EFR3A: variants seen among roughly 807,000 people sequenced by gnomAD.
EFR3A encodes EFR3 homolog A.
In EFR3A, 76 loss-of-function variants were observed where a neutral mutation model predicts 104.4. The observed-to-expected ratio is 0.73, with a 90% CI of 0.60 to 0.88. The LOEUF (loss-of-function observed/expected upper bound fraction) is 0.88, where lower values mean the gene tolerates loss of function less well. Ranked by LOEUF, EFR3A falls within the 40% of genes least tolerant of loss-of-function variation. The probability of loss-of-function intolerance (pLI) is 0.00; values close to 1 mark genes in which losing one functional copy is unlikely to be tolerated. For synonymous variants in EFR3A, 330 were observed against 330.0 expected (o/e 1.00, Z 0.00); for missense variants, 985 against 1,012.5 (o/e 0.97, Z 0.37).
chr8:131,985,586 A>T (rs1289829630), intron 16 of EFR3A, among the ~76,000 whole-genome samples: 1 of 152,230 alleles, frequency 6.6e-6, no homozygotes, highest in African/African-American at 2.4e-5. Flanking sequence ...TTTTAAAGAC[A>T]TCTGTAAGAG....
At chr8:131,942,769 T>C (rs143688810) in intron 2 of EFR3A, among the ~76,000 whole-genome samples, 16 of 152,060 alleles carry the variant, frequency 1.1e-4, no homozygotes, top group African/African-American at 3.6e-4. Context: ...CAACACAGTA[T>C]TGGAGGAAGC....
intron 22 of EFR3A, among the ~76,000 whole-genome samples, chr8:132,010,449 T>TA (rs1554610415): frequency 1.6e-5 from 2 of 128,400 alleles, no homozygotes; most frequent in African/African-American, 2.9e-5. Flanking sequence ...TATATATATA[T>TA]AATGAAATAC....
chr8:131,984,187 G>C lies in EFR3A; in HGVS notation c.1624G>C (p.Asp542His). Residue 542 changes from aspartate (D) to histidine (H), a missense_variant, in exon 15 of 23, where the codon GAC (aspartate) becomes CAC (histidine). Asp to His is a moderately conservative substitution (Grantham distance 81). Transcript: ENST00000254624. ...CATATATTTGGGTTGTAAAGAGGAA[G>C]ACAACGTTCAGAAAAACTATGAACT... Reference protein sequence around the residue: ...RHIYLGCKEEDNVQKNYELLY... With the variant: ...RHIYLGCKEEHNVQKNYELLY... The C allele has an allele frequency of 6.2e-7, 1 of 1,612,748 alleles. No individual in the cohort carries two copies. The highest frequency in any genetic ancestry group is 1.7e-4 in the Middle Eastern group (1 of 6,046).
At position 131,984,972 on chromosome 8, in the gene EFR3A, G is replaced by A. The variant is rs778434355; in HGVS notation, c.1781G>A (p.Arg594His). ...INEDNLPMFHRCGIMALVAAY... is the reference protein window; with the variant it reads ...INEDNLPMFHHCGIMALVAAY... ...GAGGATAATTTGCCAATGTTCCATC[G>A]TTGTGGAATCATGGCACTGGTTGCA... The change falls in exon 16 of 23, where the codon CGT (arginine) becomes CAT (histidine). Residue 594 changes from arginine to histidine, a missense_variant. Arg to His is a conservative substitution (Grantham distance 29, BLOSUM62 0). Coordinates refer to ENST00000254624, the MANE Select transcript of EFR3A (RefSeq NM_015137.6). 15 of 1,613,458 alleles carry A rather than the reference G, an allele frequency of 9.3e-6. No individual in the cohort carries two copies. Among genetic ancestry groups the A allele is most frequent in the East Asian group, 4.5e-5 (2 of 44,862 alleles).
intron 6 of EFR3A, 115 bp downstream of exon 6, chr8:131,954,082 T>C (rs780401744): frequency 9.5e-7 from 1 of 1,048,858 alleles, no homozygotes; most frequent in African/African-American, 1.6e-5. Context: ...TCTCGTAAAG[T>C]TAAGTGAGTT....
chr8:131,911,422 A>G (rs1816505421), intron 1 of EFR3A, among the ~76,000 whole-genome samples: 1 of 152,228 alleles, frequency 6.6e-6, no homozygotes, highest in African/African-American at 2.4e-5. Context: ...TAAGAATTGC[A>G]GGATCACCAG....
chr8:132,009,555 G>A (rs754143623), intron 22 of EFR3A, among the ~76,000 whole-genome samples: 1 of 152,120 alleles, frequency 6.6e-6, no homozygotes, highest in Middle Eastern at 3.4e-3. Context: ...GAAAATTCAA[G>A]TATAGAAGGT....
At chr8:131,909,130 C>T (rs1373730242) in intron 1 of EFR3A, among the ~76,000 whole-genome samples, 6 of 152,202 alleles carry the variant, frequency 3.9e-5, no homozygotes, top group African/African-American at 1.2e-4. Flanking sequence ...TCTCTTCATC[C>T]GCCTTGCTCC....
chr8:131,962,735 A>G (rs963486780), intron 8 of EFR3A, among the ~76,000 whole-genome samples: 1 of 152,170 alleles, frequency 6.6e-6, no homozygotes, highest in African/African-American at 2.4e-5. Context: ...GACATCTACA[A>G]AACTCTCCAC....
chr8:131,969,766 T>C (rs1819948053), intron 9 of EFR3A, among the ~76,000 whole-genome samples: 1 of 152,188 alleles, frequency 6.6e-6, no homozygotes, highest in Admixed American at 6.5e-5. Context: ...AAAACATAGA[T>C]GATACATTGA....
intron 8 of EFR3A, among the ~76,000 whole-genome samples, chr8:131,964,054 T>G (rs1301159265): frequency 1.3e-5 from 2 of 152,120 alleles, no homozygotes; most frequent in Non-Finnish European, 1.5e-5. Flanking sequence ...ATAAATTAGG[T>G]ATTGATGGGA....
chr8:131,944,653 A>G (rs981210452), intron 2 of EFR3A, 92 bp from the exon 3 acceptor site: 3 of 1,290,482 alleles, frequency 2.3e-6, no homozygotes, highest in African/African-American at 1.5e-5. Flanking sequence ...TTAATCCCCA[A>G]TCCAGAAAGG....
At chr8:131,907,611 T>A (rs948244443) in intron 1 of EFR3A, among the ~76,000 whole-genome samples, 2 of 152,236 alleles carry the variant, frequency 1.3e-5, no homozygotes, top group African/African-American at 2.4e-5. Context: ...ACTTATTTTT[T>A]AATTTATTTT....
At chr8:131,938,462 A>G (rs1818013941) in intron 1 of EFR3A, 1 of 382,672 alleles carries the variant, frequency 2.6e-6, no homozygotes, top group African/African-American at 2.1e-5. Context: ...TTTTATAAAA[A>G]CCTGAAATTG....
chr8:131,938,779 C>T (rs919686387), intron 1 of EFR3A, among the ~76,000 whole-genome samples: 1 of 152,120 alleles, frequency 6.6e-6, no homozygotes, highest in African/African-American at 2.4e-5. Flanking sequence ...TGCAGTTCCT[C>T]AGATCCTCCC....
At chr8:132,001,703 G>C (rs944600759) in intron 19 of EFR3A, 56 bp from the exon 20 acceptor site, 1 of 1,441,002 alleles carries the variant, frequency 6.9e-7, no homozygotes, top group Non-Finnish European at 9.7e-7. Context: ...CTAGGTAAAG[G>C]TGTTATTTAT....
chr8:131,984,751 T>G (rs1251498646), intron 15 of EFR3A, among the ~76,000 whole-genome samples, 178 bp from the exon 16 acceptor site: 3 of 152,156 alleles, frequency 2.0e-5, no homozygotes. Flanking sequence ...TTGGAAAAAT[T>G]AACTCTCTTG....
intron 12 of EFR3A, among the ~76,000 whole-genome samples, 170 bp downstream of exon 12, chr8:131,977,262 C>G (rs1172163574): frequency 6.6e-6 from 1 of 151,984 alleles, no homozygotes; most frequent in African/African-American, 2.4e-5. Flanking sequence ...CCGTTTATTT[C>G]TCACTTCTTC....
chr8:131,933,993 A>C (rs1305337897), intron 1 of EFR3A, among the ~76,000 whole-genome samples: 1 of 152,150 alleles, frequency 6.6e-6, no homozygotes, highest in Non-Finnish European at 1.5e-5. Context: ...GTGCCTAGGA[A>C]TTAAAAACAA....
Sources: gnomAD v4.1 joint callset for allele counts (sites outside exome capture counted in the v4.1 genomes callset) on GRCh38, gnomAD v4.1.1 for gene constraint, MANE v1.5 for transcripts, NCBI Gene and HGNC (gene_info 2026-07-23, HGNC 2026-07-21) for gene names.